The following SP140 variants were observed in gnomAD, a reference collection of about 807,000 sequenced individuals.
The protein encoded by SP140 is SP140 nuclear body protein, also known as nuclear body protein SP140.
In SP140, 81 loss-of-function variants were observed where a neutral mutation model predicts 125.0. The ratio of observed to expected loss-of-function variants is 0.65; its 90% CI spans 0.54 to 0.78. The LOEUF is 0.78. Among genes scored for constraint, SP140 ranks in the 30% least tolerant of loss-of-function variants. SP140 has a pLI of 0.00. For synonymous variants in SP140, 312 were observed against 354.0 expected (o/e 0.88, Z 1.33); for missense variants, 858 against 1,037.0 (o/e 0.83, Z 2.37).
chr2:230,199,205 CTTTTTTT>C (rs35807015), upstream of SP140, among the ~76,000 whole-genome samples: 1 of 89,464 alleles, frequency 1.1e-5, no homozygotes, highest in Admixed American at 1.5e-4. Flanking sequence ...ACATAATCCT[CTTTTTTT>C]TTTTTTTTTT....
chr2:230,238,482 G>A (rs2048282736), intron 3 of SP140, 101 bp downstream of exon 3: 2 of 1,163,042 alleles, frequency 1.7e-6, no homozygotes, highest in East Asian at 2.5e-5. Context: ...TTGACTGAGT[G>A]ACTATTACAT....
chr2:230,258,593 C>A (rs552276314), intron 12 of SP140, among the ~76,000 whole-genome samples: 1 of 152,274 alleles, frequency 6.6e-6, no homozygotes, highest in East Asian at 1.9e-4. Flanking sequence ...CTAATTATAG[C>A]ATTCTGGTTT....
intron 17 of SP140, among the ~76,000 whole-genome samples, chr2:230,286,157 C>T (rs1559332229): frequency 6.6e-6 from 1 of 152,184 alleles, no homozygotes; most frequent in African/African-American, 2.4e-5. Flanking sequence ...TTTATTCTCT[C>T]ACTGCCCTTT....
In SP140 at chr2:230,246,573, C is replaced by G. The variant is rs188631636; in HGVS notation, c.742+633C>G. Among the ~76,000 whole-genome samples, 57 of 152,146 alleles carry G rather than the reference C, an allele frequency of 3.7e-4. 2 individuals carry two copies. Among genetic ancestry groups the G allele is most frequent in the Admixed American group, 2.4e-3 (36 of 15,286 alleles). On this transcript the variant is annotated intron_variant, in intron 7 of 26. Transcript: ENST00000392045. The stretch of plus-strand genomic sequence containing the variant: ...AATGAACTTCACAAAGGGAAGGGTC[C>G]CTGCCCCTTTGTTAATGGCAAAAGA...
chr2:230,255,484 G>A lies in SP140; in HGVS notation c.1192G>A (p.Gly398Arg). 6.2e-7 allele frequency: 1 copy of A among 1,613,898 alleles called. No homozygotes were observed. Among genetic ancestry groups the A allele is most frequent in the Non-Finnish European group, 8.5e-7 (1 of 1,179,942 alleles). The stretch of plus-strand genomic sequence containing the variant: ...TGATGACTGTTCGGAAATGTGTGAT[G>A]GAGAAGAGCGCCAGGAAGCCTCTAG... ...GSDDCSEMCDGEERQEASSSL... is the reference protein window; with the variant it reads ...GSDDCSEMCDREERQEASSSL... Residue 398 changes from glycine (G) to arginine (R), a missense_variant, in exon 12 of 27, where the codon GGA (glycine) becomes AGA (arginine). Coordinates refer to ENST00000392045, the MANE Select transcript of SP140 (RefSeq NM_007237.5).
In SP140 at chr2:230,253,356, C is replaced by G. The variant is rs1559263579; in HGVS notation, c.1098C>G (p.Pro366=). 1 of 1,612,470 alleles carries G rather than the reference C, an allele frequency of 6.2e-7. No individual in the cohort carries two copies. Among genetic ancestry groups the G allele is most frequent in the Non-Finnish European group, 8.5e-7 (1 of 1,178,668 alleles). Residue 366 remains proline, a synonymous_variant, in exon 11 of 27, where the codon CCC becomes CCG. Transcript: ENST00000392045. Reference sequence around the variant, plus strand: ...CAGAGACCTTTGATCTAAAGACTCCCCAAGTCACTAATGAAGGAGAACCAG... The same window carrying G: ...CAGAGACCTTTGATCTAAAGACTCCGCAAGTCACTAATGAAGGAGAACCAG... ...LSAETFDLKT[P]QVTNEGEPEK... is the part of the protein sequence containing the mutation.
At chr2:230,236,105 G>T (rs2047972997) in intron 1 of SP140, among the ~76,000 whole-genome samples, 1 of 152,096 alleles carries the variant, frequency 6.6e-6, no homozygotes, top group Non-Finnish European at 1.5e-5. Context: ...TCGATCTCCT[G>T]ACCTTGTGAT....
At chr2:230,311,951 C>A (rs573885419) in intron 26 of SP140, among the ~76,000 whole-genome samples, 5 of 152,124 alleles carry the variant, frequency 3.3e-5, no homozygotes, top group Non-Finnish European at 7.4e-5. Flanking sequence ...CCCAGAAATC[C>A]CAAACTCCAG....
intron 3 of SP140, among the ~76,000 whole-genome samples, chr2:230,240,440 A>G (rs1454105308): frequency 6.6e-6 from 1 of 152,238 alleles, no homozygotes; most frequent in Non-Finnish European, 1.5e-5. Context: ...GTACTCACAA[A>G]ATATGAAGAA....
In SP140 at chr2:230,310,725, C is replaced by G. The variant is rs201272895; in HGVS notation, c.2175-18C>G. On this transcript the variant is annotated intron_variant, in intron 23 of 26. Coordinates refer to ENST00000392045, the MANE Select transcript of SP140 (RefSeq NM_007237.5). The stretch of plus-strand genomic sequence containing the variant: ...TCCAAGCTCCCTGCCCTCTGCTCAC[C>G]CATGTCCAATCTCTCAGGACCCCGT... The G allele has an allele frequency of 6.7e-7, 1 of 1,482,768 alleles. No homozygotes were observed. Among genetic ancestry groups the G allele is most frequent in the Non-Finnish European group, 9.2e-7 (1 of 1,092,882 alleles). The allele number at this position is 1,482,768 out of a possible 1,614,324, so 91.9% of individuals were successfully genotyped here.
upstream of SP140, chr2:230,200,786 T>G: frequency 1.0e-6 from 1 of 954,174 alleles, no homozygotes; most frequent in South Asian, 1.3e-5. Context: ...ACAGTAATAA[T>G]GAAAAAAAAA....
At chr2:230,278,443 C>T (rs896442445) in intron 15 of SP140, among the ~76,000 whole-genome samples, 3 of 151,942 alleles carry the variant, frequency 2.0e-5, no homozygotes, top group East Asian at 1.9e-4. Context: ...TCTCCTATTC[C>T]GTAGGTTGCC....
At chr2:230,250,020 A>G (rs578106586) in intron 9 of SP140, among the ~76,000 whole-genome samples, 1 of 152,298 alleles carries the variant, frequency 6.6e-6, no homozygotes, top group South Asian at 2.1e-4. Flanking sequence ...GAAGATATTT[A>G]TCCCAGGACC....
rs763110758 is a variant in SP140 at position 230,212,846 on chromosome 2, G to A, written c.-322-808G>A. Reference sequence around the variant, plus strand: ...TGGGCGACTCACTCAGGATCTCATCGCTTTGCTGGGAGGATGTTCCAGGCT... The same window carrying A: ...TGGGCGACTCACTCAGGATCTCATCACTTTGCTGGGAGGATGTTCCAGGCT... On this transcript the variant is annotated intron_variant, in intron 1 of 4. Coordinates refer to the SP140 transcript ENST00000456542. 1.3e-5 allele frequency: 21 copies of A among 1,613,966 alleles called. No individual in the cohort carries two copies. The highest frequency in any genetic ancestry group is 2.7e-5 in the African/African-American group (2 of 74,880).
Position 230,243,769 on chromosome 2 carries a change from G to T in SP140, c.529G>T (p.Val177Leu). ...NACHEMDDIAVPQEALSSSPR... is the reference protein window; with the variant it reads ...NACHEMDDIALPQEALSSSPR... ...CTGTCATGAAATGGATGATATAGCAGTGCCTCAGGAAGCCTTGAGCTCCTC... is the reference window on the plus strand; with the variant it reads ...CTGTCATGAAATGGATGATATAGCATTGCCTCAGGAAGCCTTGAGCTCCTC... The change falls in exon 5 of 27, where the codon GTG becomes TTG. Residue 177 changes from valine (V) to leucine (L), a missense_variant. Val to Leu is a conservative substitution (Grantham distance 32, BLOSUM62 1). Transcript: ENST00000392045. 6.2e-7 allele frequency: 1 copy of T among 1,613,188 alleles called. No homozygotes were observed. The highest frequency in any genetic ancestry group is 8.5e-7 in the Non-Finnish European group (1 of 1,179,430).
At chr2:230,285,553 A>G (rs1349694470) in intron 16 of SP140, among the ~76,000 whole-genome samples, 199 bp from the exon 17 acceptor site, 2 of 152,236 alleles carry the variant, frequency 1.3e-5, no homozygotes, top group Non-Finnish European at 2.9e-5. Flanking sequence ...TATGTAGACA[A>G]ATTCTAAGAG....
In SP140 at chr2:230,285,846, T is replaced by C. The variant is rs747612029; in HGVS notation, c.1645+14T>C. The C allele has an allele frequency of 6.3e-7, 1 of 1,597,342 alleles. No homozygotes were observed. Among genetic ancestry groups the C allele is most frequent in the South Asian group, 1.1e-5 (1 of 90,716 alleles). On this transcript the variant is annotated intron_variant, in intron 17 of 26. Coordinates refer to ENST00000392045, the MANE Select transcript of SP140 (RefSeq NM_007237.5). ...CCAAGATTAGGGGTAAGATAAAGTT[T>C]GTCCGCTTTCCCTTTGCCCTACAGG...
At chr2:230,263,554 T>C (rs1436904203) in intron 12 of SP140, among the ~76,000 whole-genome samples, 1 of 152,206 alleles carries the variant, frequency 6.6e-6, no homozygotes, top group Admixed American at 6.5e-5. Flanking sequence ...TTTATTTTTG[T>C]TTTATAGGTC....
chr2:230,234,232 T>C (rs191223581), intron 1 of SP140, among the ~76,000 whole-genome samples: 72 of 152,356 alleles, frequency 4.7e-4, no homozygotes, highest in Middle Eastern at 3.4e-3. Flanking sequence ...ACCCTCATCC[T>C]GGACTCTGTC....
Sources: allele counts gnomAD v4.1 joint callset (sites outside exome capture counted in the v4.1 genomes callset), GRCh38; gene constraint gnomAD v4.1.1; transcripts MANE v1.5; gene names NCBI Gene and HGNC (gene_info 2026-07-23, HGNC 2026-07-21).